The following MBD5 variants were observed in gnomAD, a reference collection of about 807,000 sequenced individuals.
The protein encoded by MBD5 is methyl-CpG binding domain protein 5.
MBD5 carries 13 observed loss-of-function variants against 117.3 expected under a neutral mutation model. That is an observed-to-expected ratio of 0.11 (90% CI 0.07 to 0.18). The LOEUF (loss-of-function observed/expected upper bound fraction) is 0.18, where lower values mean the gene tolerates loss of function less well. Among genes scored for constraint, MBD5 ranks in the 10% least tolerant of loss-of-function variants. The pLI is 1.00. For synonymous variants in MBD5, 727 were observed against 766.4 expected (o/e 0.95, Z 0.85); for missense variants, 1,879 against 2,093.8 (o/e 0.90, Z 2.00).
chr2:148,201,223 C>T (rs766070329), intron 2 of MBD5, among the ~76,000 whole-genome samples: 16 of 152,102 alleles, frequency 1.1e-4, no homozygotes, highest in Admixed American at 2.6e-4. Flanking sequence ...ATGTGTGTGC[C>T]AGTGAATGCA....
chr2:148,248,305 T>A lies in MBD5; in HGVS notation c.-680+14910T>A, dbSNP rs1246142691. On this transcript the variant is annotated intron_variant, in intron 3 of 13. Transcript: ENST00000642680. Reference sequence around the variant, plus strand: ...TGAGCATAGGAATGAAATATCTCTTTGATCATTTGAATATCAAGCTGGTAT... The same window carrying A: ...TGAGCATAGGAATGAAATATCTCTTAGATCATTTGAATATCAAGCTGGTAT... 4.6e-5 allele frequency among the ~76,000 whole-genome samples: 7 copies of A among 152,184 alleles called. No individual in the cohort carries two copies. In the East Asian group the frequency reaches 1.3e-3, roughly 29 times the overall value.
At chr2:148,358,563 G>C (rs1366401619) in intron 4 of MBD5, among the ~76,000 whole-genome samples, 1 of 148,720 alleles carries the variant, frequency 6.7e-6, no homozygotes, top group East Asian at 2.0e-4. Context: ...TGGATCACTT[G>C]AGCTGTGAAA....
intron 4 of MBD5, among the ~76,000 whole-genome samples, chr2:148,435,300 C>T (rs1706121803): frequency 6.6e-6 from 1 of 152,032 alleles, no homozygotes; most frequent in African/African-American, 2.4e-5. Context: ...TCAATAATGT[C>T]ATTGTGTTGT....
chr2:148,475,375 C>T (rs1266623385), intron 8 of MBD5, among the ~76,000 whole-genome samples: 1 of 151,728 alleles, frequency 6.6e-6, no homozygotes, highest in African/African-American at 2.4e-5. Flanking sequence ...TAGTCAATGT[C>T]TTGTTGTTTA....
chr2:148,338,833 A>C (rs1702866860), intron 3 of MBD5, among the ~76,000 whole-genome samples: 1 of 152,172 alleles, frequency 6.6e-6, no homozygotes, highest in Non-Finnish European at 1.5e-5. Context: ...GCTTTAAGGG[A>C]CAGGCAGAAA....
chr2:148,292,326 G>T (rs560107026), intron 3 of MBD5, among the ~76,000 whole-genome samples: 44 of 152,242 alleles, frequency 2.9e-4, no homozygotes, highest in African/African-American at 1.0e-3. Flanking sequence ...TCTGACAAAG[G>T]ATTAATAACC....
chr2:148,383,496 G>A (rs972745631), intron 4 of MBD5, among the ~76,000 whole-genome samples: 2 of 152,114 alleles, frequency 1.3e-5, no homozygotes, highest in Non-Finnish European at 2.9e-5. Context: ...TCCAGGACCA[G>A]ATGGATTCAC....
At chr2:148,166,089 T>C (rs1281727248) in intron 1 of MBD5, among the ~76,000 whole-genome samples, 5 of 152,148 alleles carry the variant, frequency 3.3e-5, no homozygotes, top group African/African-American at 1.2e-4. Flanking sequence ...GACAGGACAA[T>C]TCTCTAAATG....
rs560162899 is a variant in MBD5 at position 148,319,340 on chromosome 2, T to C, written c.-679-22874T>C. ...GATTGTAATGAATCTGTAGATTGCT[T>C]TGGGCAGTCTGGTCATTTTAACAAT... On this transcript the variant is annotated intron_variant, in intron 3 of 13. Coordinates refer to ENST00000642680, the MANE Select transcript of MBD5 (RefSeq NM_001378120.1). Among the ~76,000 whole-genome samples the C allele has an allele frequency of 8.5e-5, 13 of 152,330 alleles. No homozygotes were observed. In the South Asian group the frequency reaches 2.3e-3, roughly 27 times the overall value.
At chr2:148,297,759 G>A (rs535503431) in intron 3 of MBD5, among the ~76,000 whole-genome samples, 1 of 152,098 alleles carries the variant, frequency 6.6e-6, no homozygotes, top group East Asian at 1.9e-4. Flanking sequence ...TGTTCACCGA[G>A]ATGACCTACT....
intron 2 of MBD5, among the ~76,000 whole-genome samples, chr2:148,215,301 T>A (rs1185862196): frequency 6.6e-6 from 1 of 152,236 alleles, no homozygotes; most frequent in Non-Finnish European, 1.5e-5. Flanking sequence ...CACTTCTGAG[T>A]AAATCAGTGA....
intron 4 of MBD5, among the ~76,000 whole-genome samples, chr2:148,383,890 G>T (rs1417155337): frequency 6.6e-6 from 1 of 152,076 alleles, no homozygotes; most frequent in Non-Finnish European, 1.5e-5. Context: ...TGTAGAAAAG[G>T]CCTTTGACAA....
At chr2:148,057,884 T>C (rs2105803560) in intron 1 of MBD5, among the ~76,000 whole-genome samples, 1 of 152,038 alleles carries the variant, frequency 6.6e-6, no homozygotes, top group East Asian at 1.9e-4. Context: ...TATTGCTGCT[T>C]TGTAATTTGT....
intron 2 of MBD5, among the ~76,000 whole-genome samples, chr2:148,183,551 C>T (rs939177268): frequency 6.6e-6 from 1 of 151,580 alleles, no homozygotes; most frequent in Non-Finnish European, 1.5e-5. Context: ...ATATATATCT[C>T]TCCTACAAAG....
intron 4 of MBD5, among the ~76,000 whole-genome samples, chr2:148,380,981 A>T (rs886432490): frequency 6.6e-6 from 1 of 152,184 alleles, no homozygotes; most frequent in Non-Finnish European, 1.5e-5. Flanking sequence ...CGTCACCATC[A>T]TCAAAGACCA....
chr2:148,213,226 G>A (rs2106021686), intron 2 of MBD5, among the ~76,000 whole-genome samples: 1 of 152,166 alleles, frequency 6.6e-6, no homozygotes, highest in Admixed American at 6.5e-5. Context: ...TTAGTATAGT[G>A]TTCCTCAATG....
chr2:148,345,898 CT>C (rs1703113059), intron 4 of MBD5: 1 of 151,826 alleles, frequency 6.6e-6, no homozygotes, highest in Non-Finnish European at 1.5e-5. Context: ...AGGCCTGTCT[CT>C]CCTTTTCACA....
chr2:148,040,817 A>G (rs1162653459), intron 1 of MBD5, among the ~76,000 whole-genome samples: 1 of 152,156 alleles, frequency 6.6e-6, no homozygotes, highest in Non-Finnish European at 1.5e-5. Context: ...AAAATCATGT[A>G]GGACCAGGCC....
intron 4 of MBD5, 130 bp downstream of exon 4, chr2:148,342,466 G>C (rs1372546578): frequency 6.6e-6 from 1 of 151,774 alleles, no homozygotes; most frequent in South Asian, 2.1e-4. Context: ...CCAAAGTTAG[G>C]ATGCTTAAAC....
Sources: gnomAD v4.1 joint callset for allele counts (sites outside exome capture counted in the v4.1 genomes callset) on GRCh38, gnomAD v4.1.1 for gene constraint, MANE v1.5 for transcripts, NCBI Gene and HGNC (gene_info 2026-07-23, HGNC 2026-07-21) for gene names.